The following TMEM260 variants were observed in gnomAD, a reference collection of about 807,000 sequenced individuals.
The protein encoded by TMEM260 is transmembrane protein 260, also known as protein O-mannosyl-transferase TMEM260.
TMEM260 carries 82 observed loss-of-function variants against 88.9 expected under a neutral mutation model. The observed-to-expected ratio is 0.92, with a 90% confidence interval of 0.77 to 1.11. The LOEUF (loss-of-function observed/expected upper bound fraction) is 1.11, where lower values mean the gene tolerates loss of function less well. TMEM260 is among the 50% of genes least tolerant of loss of function. TMEM260 has a pLI of 0.00. For missense variants in TMEM260, 902 were observed against 853.4 expected, an observed-to-expected ratio of 1.06 and a Z score of -0.71; for synonymous variants, 314 against 309.3, an observed-to-expected ratio of 1.02 and a Z score of -0.16.
At chr14:56,595,172 CTT>C (rs906427326) in intron 3 of TMEM260, among the ~76,000 whole-genome samples, 1 of 152,186 alleles carries the variant, frequency 6.6e-6, no homozygotes, top group African/African-American at 2.4e-5. Flanking sequence ...AGTAATCTCT[CTT>C]AGCAAGTGTA....
chr14:56,581,333 A>G (rs919330352), intron 1 of TMEM260, among the ~76,000 whole-genome samples: 3 of 152,198 alleles, frequency 2.0e-5, no homozygotes, highest in African/African-American at 7.2e-5. Flanking sequence ...CACGTTGAAG[A>G]TCTTTGATGT....
At chr14:56,645,268 A>G (rs1355860359) in intron 15 of TMEM260, among the ~76,000 whole-genome samples, 3 of 151,418 alleles carry the variant, frequency 2.0e-5, no homozygotes, top group Non-Finnish European at 4.4e-5. Flanking sequence ...GATAGACTGG[A>G]TTAAGAAAAT....
intron 7 of TMEM260, among the ~76,000 whole-genome samples, chr14:56,614,806 T>C (rs185936069): frequency 6.6e-6 from 1 of 152,294 alleles, no homozygotes; most frequent in Admixed American, 6.5e-5. Flanking sequence ...GTCTAGTCTT[T>C]AATAGTTTCA....
At chr14:56,591,699 T>C (rs1047777427) in intron 3 of TMEM260, among the ~76,000 whole-genome samples, 8 of 152,196 alleles carry the variant, frequency 5.3e-5, no homozygotes, top group Non-Finnish European at 1.2e-4. Flanking sequence ...AAATATGTAA[T>C]TGGGGAGTTA....
At chr14:56,640,405 G>C (rs1889491825) in intron 15 of TMEM260, among the ~76,000 whole-genome samples, 2 of 152,202 alleles carry the variant, frequency 1.3e-5, no homozygotes, top group Admixed American at 6.5e-5. Context: ...TGGACCTCCA[G>C]CAAACTCCAA....
rs149082512 is a variant in TMEM260 at position 56,605,941 on chromosome 14, A to T, written c.636+258A>T. Among the ~76,000 whole-genome samples, 51 of 152,334 alleles carry T rather than the reference A, an allele frequency of 3.3e-4. No individual in the cohort carries two copies. In the East Asian group the frequency reaches 9.4e-3, roughly 28 times the overall value. On this transcript the variant is annotated intron_variant, in intron 5 of 15. Coordinates refer to ENST00000261556, the MANE Select transcript of TMEM260 (RefSeq NM_017799.4). ...ATCTTGATGAAAGTAGGCTGAAAGG[A>T]CTTAAAGCAACAATATCAAATTTTC...
intron 5 of TMEM260, among the ~76,000 whole-genome samples, chr14:56,608,771 C>T (rs1007648183): frequency 2.0e-5 from 3 of 152,208 alleles, no homozygotes; most frequent in African/African-American, 7.2e-5. Context: ...CACATAATCA[C>T]TTCCAGGCAG....
chr14:56,643,166 G>C (rs1889721755), intron 15 of TMEM260, among the ~76,000 whole-genome samples: 1 of 152,158 alleles, frequency 6.6e-6, no homozygotes, highest in Non-Finnish European at 1.5e-5. Flanking sequence ...CATTTTATGA[G>C]GCCAGCATCA....
intron 3 of TMEM260, among the ~76,000 whole-genome samples, chr14:56,588,167 G>A (rs1308528160): frequency 6.6e-6 from 1 of 151,954 alleles, no homozygotes; most frequent in Non-Finnish European, 1.5e-5. Context: ...AATATTGAAG[G>A]GTTTTGATCC....
intron 5 of TMEM260, among the ~76,000 whole-genome samples, chr14:56,608,581 ATATAAAAGC>A (rs1887056669): frequency 6.6e-6 from 1 of 152,198 alleles, no homozygotes; most frequent in South Asian, 2.1e-4. Flanking sequence ...CTTGGAGTTT[ATATAAAAGC>A]TAGTTTCATT....
intron 4 of TMEM260, among the ~76,000 whole-genome samples, chr14:56,604,867 G>A (rs546493941): frequency 7.2e-5 from 11 of 152,254 alleles, no homozygotes; most frequent in South Asian, 4.1e-4. Flanking sequence ...CTGAGAGGAA[G>A]CATCAGCGGT....
chr14:56,621,828 T>A, intron 11 of TMEM260, 126 bp downstream of exon 11: 2 of 696,298 alleles, frequency 2.9e-6, no homozygotes, highest in Non-Finnish European at 4.4e-6. Context: ...AGAATATATA[T>A]GACATTCTAC....
Position 56,636,507 on chromosome 14 carries a change from G to C in TMEM260, c.1779-1G>C, listed in dbSNP as rs769332687. 10 of 1,613,718 alleles carry C rather than the reference G, an allele frequency of 6.2e-6. No individual in the cohort carries two copies. Among genetic ancestry groups the C allele is most frequent in the Non-Finnish European group, 8.5e-7 (1 of 1,179,762 alleles). On this transcript the variant is annotated splice_acceptor_variant, in intron 14 of 15. Coordinates refer to ENST00000261556, the MANE Select transcript of TMEM260 (RefSeq NM_017799.4). LOFTEE classifies it high-confidence loss of function. The stretch of plus-strand genomic sequence containing the variant: ...ATGAAGGTTCCTATCCCCACCCCCA[G>C]GATGAAAACACCGTTCTTCATCTTT...
At chr14:56,637,539 C>T (rs1192853164) in intron 15 of TMEM260, among the ~76,000 whole-genome samples, 4 of 152,168 alleles carry the variant, frequency 2.6e-5, no homozygotes, top group Admixed American at 6.5e-5. Context: ...ACGGCACTGG[C>T]CACTTCAGAC....
At chr14:56,587,827 C>G (rs1038050336) in intron 3 of TMEM260, among the ~76,000 whole-genome samples, 11 of 151,876 alleles carry the variant, frequency 7.2e-5, no homozygotes, top group Non-Finnish European at 1.5e-4. Context: ...CAATAGACAC[C>G]CTTCAAAAAG....
intron 14 of TMEM260, 94 bp downstream of exon 14, chr14:56,635,046 G>C (rs989095877): frequency 3.7e-6 from 4 of 1,073,694 alleles, no homozygotes; most frequent in Non-Finnish European, 5.7e-6. Flanking sequence ...GGGGTGAGTA[G>C]TGATAATAAA....
At chr14:56,637,460 G>A (rs1889196428) in intron 15 of TMEM260, among the ~76,000 whole-genome samples, 4 of 152,214 alleles carry the variant, frequency 2.6e-5, no homozygotes, top group Admixed American at 2.6e-4. Context: ...TTTCTGATGG[G>A]AAGTGGGAGC....
upstream of TMEM260, chr14:56,579,633 A>G (rs76241424): frequency 8.2e-3 from 2,924 of 354,450 alleles, 87 homozygotes; most frequent in East Asian, 0.067. Flanking sequence ...TTTTAAAGGG[A>G]ATGCTCTCCT....
chr14:56,582,329 T>C (rs1297182324), intron 1 of TMEM260, among the ~76,000 whole-genome samples: 2 of 152,330 alleles, frequency 1.3e-5, no homozygotes, highest in Admixed American at 6.5e-5. Flanking sequence ...AGTTCATTTA[T>C]GGGCAGGGTG....
Sources: gnomAD v4.1 joint callset for allele counts (sites outside exome capture counted in the v4.1 genomes callset) on GRCh38, gnomAD v4.1.1 for gene constraint, MANE v1.5 for transcripts, NCBI Gene and HGNC (gene_info 2026-07-23, HGNC 2026-07-21) for gene names.